Variants in KCNH8 observed in about 807,000 individuals in gnomAD.
KCNH8 encodes the protein potassium voltage-gated channel subfamily H member 8, also known as voltage-gated delayed rectifier potassium channel KCNH8.
Under a neutral mutation model 103.6 loss-of-function variants are expected in KCNH8, and 70 were observed. That is an observed-to-expected ratio of 0.68 (90% CI 0.56 to 0.82). The LOEUF is 0.82. Ranked by LOEUF, KCNH8 falls within the 40% of genes least tolerant of loss-of-function variation. The pLI, the probability that KCNH8 is intolerant of heterozygous loss-of-function variation, is 0.00. For synonymous variants in KCNH8, 498 were observed against 489.4 expected, an observed-to-expected ratio of 1.02 and a Z score of -0.23; for missense variants, 1,217 against 1,329.9, an observed-to-expected ratio of 0.92 and a Z score of 1.32.
intron 5 of KCNH8, among the ~76,000 whole-genome samples, chr3:19,381,100 T>C (rs1264099849): frequency 1.3e-5 from 2 of 152,260 alleles, no homozygotes; most frequent in African/African-American, 4.8e-5. Context: ...ATATTAGTTA[T>C]GTTTTGAGTG....
intron 7 of KCNH8, among the ~76,000 whole-genome samples, chr3:19,395,883 C>A (rs917673185): frequency 4.6e-5 from 7 of 151,926 alleles, no homozygotes; most frequent in African/African-American, 1.7e-4. Context: ...AGTTTTGAGT[C>A]CCCATAATAC....
chr3:19,394,363 A>G (rs972386595), intron 6 of KCNH8, among the ~76,000 whole-genome samples: 2 of 152,046 alleles, frequency 1.3e-5, no homozygotes, highest in Non-Finnish European at 2.9e-5. Flanking sequence ...AAGTCAATAA[A>G]ATAACCCCTC....
intron 5 of KCNH8, among the ~76,000 whole-genome samples, chr3:19,375,062 G>C (rs1165894978): frequency 1.3e-5 from 2 of 151,320 alleles, no homozygotes; most frequent in African/African-American, 4.9e-5. Flanking sequence ...TTCAACTTTG[G>C]TGAATCTGAC....
intron 3 of KCNH8, among the ~76,000 whole-genome samples, chr3:19,294,895 G>C (rs115960884): frequency 2.0e-5 from 3 of 152,076 alleles, no homozygotes; most frequent in Admixed American, 6.5e-5. Flanking sequence ...GATTGCATTC[G>C]TTCTGATGGT....
At chr3:19,350,818 C>T (rs2065790662) in intron 5 of KCNH8, among the ~76,000 whole-genome samples, 1 of 152,146 alleles carries the variant, frequency 6.6e-6, no homozygotes, top group South Asian at 2.1e-4. Context: ...AATCAGAGCA[C>T]CTCTTCTCCT....
chr3:19,242,990 C>CTTGCTGT (rs1425270303), intron 1 of KCNH8, among the ~76,000 whole-genome samples: 2 of 152,156 alleles, frequency 1.3e-5, no homozygotes, highest in African/African-American at 2.4e-5. Context: ...GATGGTTTAA[C>CTTGCTGT]TTGCTGTTTA....
At chr3:19,175,328 T>C (rs905635739) in intron 1 of KCNH8, among the ~76,000 whole-genome samples, 1 of 151,492 alleles carries the variant, frequency 6.6e-6, no homozygotes, top group Non-Finnish European at 1.5e-5. Flanking sequence ...TTCACGCCAT[T>C]CTCCTGCCTC....
chr3:19,204,824 A>G (rs2063698391), intron 1 of KCNH8, among the ~76,000 whole-genome samples: 1 of 152,096 alleles, frequency 6.6e-6, no homozygotes, highest in African/African-American at 2.4e-5. Context: ...TTCATTATAA[A>G]TGAAATCAAG....
intron 7 of KCNH8, among the ~76,000 whole-genome samples, chr3:19,418,804 C>A (rs1021201381): frequency 2.6e-5 from 4 of 152,186 alleles, no homozygotes; most frequent in African/African-American, 9.6e-5. Flanking sequence ...CAATCTTTGT[C>A]AAACAGTTTT....
chr3:19,466,807 A>C (rs770414412), intron 11 of KCNH8, among the ~76,000 whole-genome samples: 2 of 151,370 alleles, frequency 1.3e-5, no homozygotes, highest in African/African-American at 2.4e-5. Flanking sequence ...GATTACAGGC[A>C]TGTGCCACCC....
intron 3 of KCNH8, among the ~76,000 whole-genome samples, chr3:19,319,693 T>C (rs2065324057): frequency 6.6e-6 from 1 of 152,086 alleles, no homozygotes; most frequent in Non-Finnish European, 1.5e-5. Context: ...TTCTTTCTAC[T>C]TCTGTGGAGA....
intron 2 of KCNH8, among the ~76,000 whole-genome samples, chr3:19,279,771 G>A (rs2064732364): frequency 3.9e-5 from 6 of 152,010 alleles, no homozygotes; most frequent in Admixed American, 3.9e-4. Context: ...TAAATTAGTG[G>A]CTTCACCTGG....
chr3:19,476,454 AAAATCTTATG>A (rs1575112872), intron 11 of KCNH8, among the ~76,000 whole-genome samples: 1 of 152,148 alleles, frequency 6.6e-6, no homozygotes, highest in African/African-American at 2.4e-5. Flanking sequence ...GGGTATCCTG[AAAATCTTATG>A]AAACCGTCTA....
intron 15 of KCNH8, among the ~76,000 whole-genome samples, chr3:19,522,838 A>G (rs2068996377): frequency 6.6e-6 from 1 of 151,860 alleles, no homozygotes. Context: ...AAATTTTCCC[A>G]TAGCAAAAGA....
intron 3 of KCNH8, among the ~76,000 whole-genome samples, chr3:19,340,176 G>A (rs990650531): frequency 6.6e-6 from 1 of 152,040 alleles, no homozygotes; most frequent in African/African-American, 2.4e-5. Flanking sequence ...ATCAGCAACA[G>A]TCATATGGCT....
chr3:19,508,677 C>T (rs1057265002), intron 11 of KCNH8, among the ~76,000 whole-genome samples: 2 of 152,142 alleles, frequency 1.3e-5, no homozygotes, highest in Non-Finnish European at 2.9e-5. Flanking sequence ...GGGCCAGCAG[C>T]ACCAGTATTA....
At chr3:19,376,486 G>C (rs1196916838) in intron 5 of KCNH8, among the ~76,000 whole-genome samples, 3 of 152,126 alleles carry the variant, frequency 2.0e-5, no homozygotes, top group Admixed American at 6.5e-5. Flanking sequence ...CCACTGACCT[G>C]TGCCCACTGT....
In KCNH8 at chr3:19,347,953, C is replaced by T; in HGVS notation, c.799C>T (p.Leu267Phe). 6.2e-7 allele frequency: 1 copy of T among 1,612,770 alleles called. No homozygotes were observed. ...TTVSDIAVEI[L>F]FIIDIILNFR... The stretch of plus-strand genomic sequence containing the variant: ...CGTCAGTGACATTGCAGTGGAGATT[C>T]TTTTTATTATAGGTAAGAACAAACA... Residue 267 changes from leucine to phenylalanine, a missense_variant, in exon 5 of 16, where the codon CTT becomes TTT. Coordinates refer to ENST00000328405, the MANE Select transcript of KCNH8 (RefSeq NM_144633.3).
Position 19,533,876 on chromosome 3 carries a change from T to C in KCNH8, c.3101T>C (p.Val1034Ala). 1 of 1,614,190 alleles carries C rather than the reference T, an allele frequency of 6.2e-7. No homozygotes were observed. Among genetic ancestry groups the C allele is most frequent in the Non-Finnish European group, 8.5e-7 (1 of 1,180,012 alleles). The change falls in exon 16 of 16, where the codon GTC (valine) becomes GCC (alanine). Residue 1034 changes from valine (V) to alanine (A), a missense_variant. By Grantham distance (64) the Val-to-Ala change is moderately conservative (BLOSUM62 0). Transcript: ENST00000328405. ...ATTTCAGCAACTCTCTCATCTTCTG[T>C]CTGCTCCTCTTCGGAAACATCTTTG... is the stretch of plus-strand genomic sequence containing the variant. ...QSISATLSSS[V>A]CSSSETSLHL...
Sources: allele counts gnomAD v4.1 joint callset (sites outside exome capture counted in the v4.1 genomes callset), GRCh38; gene constraint gnomAD v4.1.1; transcripts MANE v1.5; gene names NCBI Gene and HGNC (gene_info 2026-07-23, HGNC 2026-07-21).